The following ENTREP2 variants were observed in gnomAD, a reference collection of about 807,000 sequenced individuals.
ENTREP2 encodes the protein endosomal transmembrane epsin interactor 2, also known as protein ENTREP2.
the ENTREP2 span, among the ~76,000 whole-genome samples, chr15:29,404,440 G>C: frequency 6.6e-6 from 1 of 151,916 alleles, no homozygotes; most frequent in East Asian, 1.9e-4. Context: ...GAACTCCCCT[G>C]TCTGGTCAGT....
the ENTREP2 span, among the ~76,000 whole-genome samples, chr15:29,488,384 G>C: frequency 6.6e-6 from 1 of 152,098 alleles, no homozygotes; most frequent in East Asian, 1.9e-4. Context: ...AGTCTGAGAG[G>C]AAGAACAAAA....
the ENTREP2 span, among the ~76,000 whole-genome samples, chr15:29,200,005 T>G: frequency 6.6e-6 from 1 of 152,220 alleles, no homozygotes; most frequent in African/African-American, 2.4e-5. Context: ...CTTTTGACTT[T>G]TGTCAAAAAT....
the ENTREP2 span, among the ~76,000 whole-genome samples, chr15:29,221,197 A>G: frequency 1.3e-5 from 2 of 151,860 alleles, no homozygotes; most frequent in African/African-American, 4.8e-5. Context: ...TTTTAATGCA[A>G]ATGACACTTT....
At chr15:29,421,582 A>G in the ENTREP2 span, among the ~76,000 whole-genome samples, 23 of 152,342 alleles carry the variant, frequency 1.5e-4, no homozygotes, top group Admixed American at 1.2e-3. Flanking sequence ...CTATGTTTTC[A>G]TTTCATTAGA....
the ENTREP2 span, chr15:29,123,623 G>A: frequency 5.8e-6 from 9 of 1,550,648 alleles, no homozygotes; most frequent in Non-Finnish European, 7.0e-6. Context: ...AGCTGGGCCC[G>A]ACAGGCAGCC....
the ENTREP2 span, among the ~76,000 whole-genome samples, chr15:29,223,260 C>T: frequency 6.4e-3 from 976 of 152,258 alleles, 7 homozygotes; most frequent in African/African-American, 0.022. Context: ...GTTTCGAGTT[C>T]CAGGTTCACT....
chr15:29,400,845 T>G, the ENTREP2 span, among the ~76,000 whole-genome samples: 77 of 152,246 alleles, frequency 5.1e-4, 1 homozygote, highest in Non-Finnish European at 1.3e-4. Context: ...GCCTTTGACG[T>G]GTGAGGTCGG....
At chr15:29,649,727 C>CAAAAAAAAAAAAAAAAAAAAAAAAAAAA in the ENTREP2 span, among the ~76,000 whole-genome samples, 2 of 66,930 alleles carry the variant, frequency 3.0e-5, no homozygotes, top group Non-Finnish European at 6.4e-5. Flanking sequence ...TCAACAACAA[C>CAAAAAAAAAAAAAAAAAAAAAAAAAAAA]AAAAAAAAAA....
At chr15:29,279,262 T>C in the ENTREP2 span, among the ~76,000 whole-genome samples, 1 of 152,176 alleles carries the variant, frequency 6.6e-6, no homozygotes, top group African/African-American at 2.4e-5. Flanking sequence ...AAAGTATAAG[T>C]GCTCCAGTTC....
At chr15:29,597,937 C>T in the ENTREP2 span, among the ~76,000 whole-genome samples, 1 of 152,020 alleles carries the variant, frequency 6.6e-6, no homozygotes, top group African/African-American at 2.4e-5. Flanking sequence ...GCCTGGGCAA[C>T]ATGATGAAAC....
At chr15:29,186,100 G>A in the ENTREP2 span, among the ~76,000 whole-genome samples, 5 of 152,152 alleles carry the variant, frequency 3.3e-5, no homozygotes, top group Admixed American at 3.3e-4. Context: ...ACACTAGAGT[G>A]ACTGGGGTAC....
the ENTREP2 span, among the ~76,000 whole-genome samples, chr15:29,286,448 CT>C: frequency 6.6e-6 from 1 of 152,190 alleles, no homozygotes; most frequent in African/African-American, 2.4e-5. Context: ...AATCTCCCCC[CT>C]ACATGCCCTT....
the ENTREP2 span, among the ~76,000 whole-genome samples, chr15:29,222,714 CCA>C: frequency 2.6e-5 from 4 of 152,180 alleles, no homozygotes; most frequent in Admixed American, 2.6e-4. Context: ...GCTTCAGTCT[CCA>C]GACATTCCAG....
chr15:29,474,732 G>A, the ENTREP2 span, among the ~76,000 whole-genome samples: 11 of 151,704 alleles, frequency 7.3e-5, no homozygotes, highest in Non-Finnish European at 1.3e-4. Context: ...TTTTTGTATC[G>A]TTAGAACAGA....
At chr15:29,176,528 C>T in the ENTREP2 span, among the ~76,000 whole-genome samples, 1 of 152,158 alleles carries the variant, frequency 6.6e-6, no homozygotes, top group Admixed American at 6.5e-5. Context: ...CTCCTCAGCT[C>T]ACCAGACAAA....
chr15:29,585,599 G>A, the ENTREP2 span, among the ~76,000 whole-genome samples: 1 of 152,172 alleles, frequency 6.6e-6, no homozygotes, highest in African/African-American at 2.4e-5. Flanking sequence ...GCTCACGCCT[G>A]TAATTCCAGA....
chr15:29,651,886 G>A, the ENTREP2 span, among the ~76,000 whole-genome samples: 28 of 152,336 alleles, frequency 1.8e-4, no homozygotes, highest in East Asian at 3.9e-3. Context: ...GCAGCAGGAC[G>A]CAGACGGGTT....
the ENTREP2 span, among the ~76,000 whole-genome samples, chr15:29,215,213 G>T: frequency 3.3e-5 from 5 of 152,142 alleles, no homozygotes. Flanking sequence ...GTGTCAACTT[G>T]ATTGAATTGA....
the ENTREP2 span, among the ~76,000 whole-genome samples, chr15:29,616,817 G>A: frequency 6.6e-6 from 1 of 152,280 alleles, no homozygotes; most frequent in South Asian, 2.1e-4. Flanking sequence ...CCTCACACCT[G>A]TAAACCCAGC....
Sources: gnomAD v4.1 joint callset for allele counts (sites outside exome capture counted in the v4.1 genomes callset) on GRCh38, gnomAD v4.1.1 for gene constraint, MANE v1.5 for transcripts, NCBI Gene and HGNC (gene_info 2026-07-23, HGNC 2026-07-21) for gene names.